The following ZNF831 variants were observed in gnomAD, a reference collection of about 807,000 sequenced individuals.
ZNF831 encodes the protein zinc finger protein 831, also known as chromosome 20 open reading frame 174.
A neutral mutation model predicts 95.8 loss-of-function variants in ZNF831; 59 were observed. The ratio of observed to expected loss-of-function variants is 0.62; its 90% CI spans 0.50 to 0.77. ZNF831 has a LOEUF of 0.77. ZNF831 is among the 30% of genes least tolerant of loss of function. The probability of loss-of-function intolerance (pLI) is 0.00; values close to 1 mark genes in which losing one functional copy is unlikely to be tolerated. For missense variants in ZNF831, 2,205 were observed against 2,164.0 expected (o/e 1.02, Z -0.38); for synonymous variants, 961 against 925.5 (o/e 1.04, Z -0.70).
intron 5 of ZNF831, 28 bp from the exon 6 acceptor site, chr20:59,253,870 T>A (rs200010948): frequency 6.3e-6 from 3 of 474,064 alleles, no homozygotes; most frequent in Non-Finnish European, 5.6e-6. Flanking sequence ...CCCCCCCCAC[T>A]TTTTTTTTCC....
Position 59,191,179 on chromosome 20 carries a change from T to G in ZNF831, c.160T>G (p.Phe54Val), listed in dbSNP as rs1983478678. ...PEQGLAPPTV[F>V]LKALPIPLYH... is the part of the protein sequence containing the mutation. ...GCAGGGCCTGGCCCCCCCCACTGTG[T>G]TCCTGAAGGCCCTGCCCATCCCACT... is the stretch of plus-strand genomic sequence containing the variant. Residue 54 changes from phenylalanine (F) to valine (V), a missense_variant, in exon 2 of 6, where the codon TTC becomes GTC. Coordinates refer to ENST00000371030, the MANE Select transcript of ZNF831 (RefSeq NM_178457.3). 1 of 1,599,704 alleles carries G rather than the reference T, an allele frequency of 6.3e-7. No individual in the cohort carries two copies. The highest frequency in any genetic ancestry group is 1.1e-5 in the South Asian group (1 of 89,794).
intron 1 of ZNF831, among the ~76,000 whole-genome samples, chr20:59,139,574 C>T (rs1004767542): frequency 4.6e-5 from 7 of 152,080 alleles, no homozygotes; most frequent in African/African-American, 1.5e-4. Context: ...ACTCAACTGA[C>T]CAGCATCAGT....
chr20:59,216,975 C>T (rs942216660), intron 4 of ZNF831, among the ~76,000 whole-genome samples: 2 of 151,960 alleles, frequency 1.3e-5, no homozygotes, highest in African/African-American at 4.8e-5. Flanking sequence ...AAAAGTGATG[C>T]TCCACCTAGA....
chr20:59,137,035 G>A (rs1418969549), intron 1 of ZNF831, among the ~76,000 whole-genome samples: 1 of 152,198 alleles, frequency 6.6e-6, no homozygotes, highest in African/African-American at 2.4e-5. Flanking sequence ...AAGGGCATTT[G>A]TTAGGGAGAA....
Position 59,225,088 on chromosome 20 carries a change from C to T in ZNF831, c.4027+18032C>T, listed in dbSNP as rs1396955411. ...TCCATTGTGTTTAATTTCAATTAAT[C>T]TGGATTCATTTAAGTAATATTCCAT... On this transcript the variant is annotated intron_variant, in intron 4 of 5. Coordinates refer to ENST00000371030, the MANE Select transcript of ZNF831 (RefSeq NM_178457.3). Among the ~76,000 whole-genome samples, 8 of 151,694 alleles carry T rather than the reference C, an allele frequency of 5.3e-5. No homozygotes were observed. The South Asian group carries it at 1.5e-3, about 28-fold the overall frequency.
At chr20:59,202,338 T>A (rs1316944343) in intron 3 of ZNF831, among the ~76,000 whole-genome samples, 4 of 146,564 alleles carry the variant, frequency 2.7e-5, no homozygotes, top group Admixed American at 6.9e-5. Flanking sequence ...TTTTTTTTTT[T>A]TAAAAAAAAA....
chr20:59,232,368 CAG>C (rs1986773379), intron 4 of ZNF831, among the ~76,000 whole-genome samples: 1 of 151,982 alleles, frequency 6.6e-6, no homozygotes, highest in African/African-American at 2.4e-5. Flanking sequence ...AATAGTGGAG[CAG>C]AGTCAAATCA....
chr20:59,220,004 G>A (rs1400103336), intron 4 of ZNF831, among the ~76,000 whole-genome samples: 1 of 152,126 alleles, frequency 6.6e-6, no homozygotes, highest in Non-Finnish European at 1.5e-5. Context: ...GTTAAAAGTT[G>A]AGAGAGAGAA....
chr20:59,132,882 C>T (rs188882448), intron 1 of ZNF831, among the ~76,000 whole-genome samples: 48 of 152,374 alleles, frequency 3.2e-4, no homozygotes, highest in Admixed American at 3.1e-3. Flanking sequence ...CTGAGGCTCC[C>T]AAGGCCTGAC....
chr20:59,253,872 T>G (rs1193952828), intron 5 of ZNF831, 26 bp from the exon 6 acceptor site: 1 of 697,522 alleles, frequency 1.4e-6, no homozygotes, highest in South Asian at 2.4e-5. Flanking sequence ...CCCCCCACTT[T>G]TTTTTTCCTT....
At chr20:59,248,164 A>T (rs1237447434) in intron 4 of ZNF831, among the ~76,000 whole-genome samples, 4 of 152,198 alleles carry the variant, frequency 2.6e-5, no homozygotes, top group African/African-American at 9.7e-5. Flanking sequence ...GGTCTCTCTA[A>T]TAAGAGTCCC....
intron 1 of ZNF831, among the ~76,000 whole-genome samples, chr20:59,136,820 C>T (rs947263333): frequency 6.6e-6 from 1 of 152,178 alleles, no homozygotes; most frequent in Non-Finnish European, 1.5e-5. Context: ...TATCTGGGCA[C>T]GTGGTTACCC....
intron 1 of ZNF831, among the ~76,000 whole-genome samples, chr20:59,175,385 T>G (rs1467701848): frequency 6.6e-6 from 1 of 152,166 alleles, no homozygotes; most frequent in East Asian, 1.9e-4. Flanking sequence ...AGACCTTTTG[T>G]TAGTGCCATG....
chr20:59,128,313 C>A (rs556833091), intron 1 of ZNF831, among the ~76,000 whole-genome samples: 4 of 152,336 alleles, frequency 2.6e-5, no homozygotes, highest in Admixed American at 6.5e-5. Flanking sequence ...AGCGTGCATA[C>A]TCCTGTCCCT....
At chr20:59,202,639 C>G (rs1984614582) in intron 3 of ZNF831, among the ~76,000 whole-genome samples, 1 of 152,140 alleles carries the variant, frequency 6.6e-6, no homozygotes, top group South Asian at 2.1e-4. Context: ...CACCCACATA[C>G]TGAGAGTATG....
chr20:59,191,292 C>G lies in ZNF831; in HGVS notation c.273C>G (p.Leu91=), dbSNP rs1983495396. ...SLDGGNVPFI[L]SPVLQPEGPG... ...ATGGGGGCAACGTGCCCTTCATACTCAGCCCTGTGCTGCAGCCTGAAGGGC... is the reference window on the plus strand; with the variant it reads ...ATGGGGGCAACGTGCCCTTCATACTGAGCCCTGTGCTGCAGCCTGAAGGGC... The change falls in exon 2 of 6, where the codon CTC becomes CTG. Residue 91 remains leucine (L), a synonymous_variant. Coordinates refer to ENST00000371030, the MANE Select transcript of ZNF831 (RefSeq NM_178457.3). 6.3e-7 allele frequency: 1 copy of G among 1,583,444 alleles called. No individual in the cohort carries two copies. Among genetic ancestry groups the G allele is most frequent in the Non-Finnish European group, 8.6e-7 (1 of 1,165,092 alleles).
intron 4 of ZNF831, among the ~76,000 whole-genome samples, chr20:59,223,878 C>T (rs1986261970): frequency 6.6e-6 from 1 of 152,180 alleles, no homozygotes; most frequent in South Asian, 2.1e-4. Context: ...GGCCCAAATA[C>T]AGTCAGCTAG....
upstream of ZNF831, among the ~76,000 whole-genome samples, chr20:59,159,435 A>T (rs1478938237): frequency 6.6e-6 from 1 of 152,196 alleles, no homozygotes; most frequent in East Asian, 1.9e-4. Flanking sequence ...AACGGGGTGG[A>T]TGCATCATGC....
At chr20:59,230,469 G>A (rs1986663402) in intron 4 of ZNF831, among the ~76,000 whole-genome samples, 1 of 151,866 alleles carries the variant, frequency 6.6e-6, no homozygotes, top group Non-Finnish European at 1.5e-5. Context: ...AACAGAGTGA[G>A]ACTCTGTCTC....
Sources: allele counts gnomAD v4.1 joint callset (sites outside exome capture counted in the v4.1 genomes callset), GRCh38; gene constraint gnomAD v4.1.1; transcripts MANE v1.5; gene names NCBI Gene and HGNC (gene_info 2026-07-23, HGNC 2026-07-21).